Variants in RGS6 observed in about 807,000 individuals in gnomAD.
RGS6 encodes regulator of G protein signaling 6.
In RGS6, 30 loss-of-function variants were observed where a neutral mutation model predicts 78.5. That is an observed-to-expected ratio of 0.38 (90% CI 0.29 to 0.52). The LOEUF (loss-of-function observed/expected upper bound fraction) is 0.52, where lower values mean the gene tolerates loss of function less well. RGS6 is among the 20% of genes least tolerant of loss of function. The pLI, the probability that RGS6 is intolerant of heterozygous loss-of-function variation, is 0.85. For synonymous variants in RGS6, 206 were observed against 206.0 expected (o/e 1.00, Z 0.00); for missense variants, 495 against 609.7 (o/e 0.81, Z 1.98).
At chr14:72,598,901 G>A in the RGS6 span, among the ~76,000 whole-genome samples, 3 of 152,328 alleles carry the variant, frequency 2.0e-5, no homozygotes, top group South Asian at 2.1e-4. Flanking sequence ...GAAGAGACCA[G>A]GCAATCGGTC....
intron 10 of RGS6, among the ~76,000 whole-genome samples, chr14:72,475,837 C>CACACACACACACGCACACACACACACAA (rs1389196505): frequency 1.3e-4 from 19 of 151,392 alleles, no homozygotes; most frequent in African/African-American, 4.6e-4. Flanking sequence ...CACGCACACA[C>CACACACACACACGCACACACACACACAA]ACACACACAC....
chr14:72,350,112 G>C (rs998330521), intron 2 of RGS6, among the ~76,000 whole-genome samples: 1 of 152,164 alleles, frequency 6.6e-6, no homozygotes, highest in African/African-American at 2.4e-5. Flanking sequence ...TCCCTCTTCA[G>C]TTTTCATCTA....
intron 2 of RGS6, among the ~76,000 whole-genome samples, chr14:72,210,350 T>C (rs2043799608): frequency 6.6e-6 from 1 of 152,204 alleles, no homozygotes; most frequent in Admixed American, 6.5e-5. Context: ...CTTGTATTTT[T>C]TTCACCTACA....
chr14:72,401,052 G>A (rs1566741417), intron 3 of RGS6, among the ~76,000 whole-genome samples: 1 of 152,052 alleles, frequency 6.6e-6, no homozygotes, highest in Non-Finnish European at 1.5e-5. Context: ...ATTTTGACTG[G>A]TTTCACTATT....
At chr14:72,195,122 C>T (rs1028774523) in intron 2 of RGS6, among the ~76,000 whole-genome samples, 3 of 151,964 alleles carry the variant, frequency 2.0e-5, no homozygotes, top group Non-Finnish European at 2.9e-5. Flanking sequence ...GCAGGAAAAT[C>T]GCTTGAGCCC....
At chr14:72,162,307 G>A (rs963921299) in intron 2 of RGS6, among the ~76,000 whole-genome samples, 4 of 152,178 alleles carry the variant, frequency 2.6e-5, no homozygotes, top group African/African-American at 9.7e-5. Context: ...CTTGGAGTGT[G>A]AAAAGAGTGG....
the RGS6 span, chr14:72,620,101 C>T: frequency 9.2e-7 from 1 of 1,081,784 alleles, no homozygotes; most frequent in South Asian, 1.9e-5. Flanking sequence ...ATCCCCTTTC[C>T]AGGCCCCACT....
intron 2 of RGS6, among the ~76,000 whole-genome samples, chr14:72,241,384 A>G (rs1214951248): frequency 6.6e-6 from 1 of 152,176 alleles, no homozygotes; most frequent in Non-Finnish European, 1.5e-5. Flanking sequence ...TCTCCAGACA[A>G]TAGTTAATAA....
rs570080088 is a variant in RGS6 at position 72,527,285 on chromosome 14, C to A, written c.1278+8748C>A. On this transcript the variant is annotated intron_variant, in intron 15 of 17. Transcript: ENST00000553525. ...GAGGAGGCTCCTAACTTTCCTGCAA[C>A]CACACATGGAGGGATTTTGTCTCAG... is the stretch of plus-strand genomic sequence containing the variant. Among the ~76,000 whole-genome samples the A allele has an allele frequency of 6.1e-4, 93 of 152,360 alleles. 1 individual carries two copies. The highest frequency in any genetic ancestry group is 3.4e-3 in the Middle Eastern group (1 of 294).
intron 2 of RGS6, among the ~76,000 whole-genome samples, chr14:72,274,791 T>C (rs991641367): frequency 6.6e-6 from 1 of 152,158 alleles, no homozygotes; most frequent in African/African-American, 2.4e-5. Flanking sequence ...CCCAGGGACT[T>C]CAGAAGGACC....
At chr14:72,199,032 C>T (rs532596471) in intron 2 of RGS6, among the ~76,000 whole-genome samples, 1 of 152,256 alleles carries the variant, frequency 6.6e-6, no homozygotes, top group East Asian at 1.9e-4. Flanking sequence ...ACTTTGAGTT[C>T]CCTTTGAAAA....
chr14:72,091,743 G>A (rs753983337), intron 2 of RGS6, among the ~76,000 whole-genome samples: 6 of 152,228 alleles, frequency 3.9e-5, no homozygotes, highest in South Asian at 2.1e-4. Context: ...GTTCTAAATC[G>A]TTTTCTGCAG....
intron 2 of RGS6, among the ~76,000 whole-genome samples, chr14:72,197,475 C>T (rs1234119109): frequency 2.0e-5 from 3 of 152,082 alleles, no homozygotes; most frequent in South Asian, 4.2e-4. Context: ...CACTGTCCTG[C>T]GAGGGATACA....
At chr14:72,131,749 G>T (rs2096322390) in intron 2 of RGS6, among the ~76,000 whole-genome samples, 1 of 152,158 alleles carries the variant, frequency 6.6e-6, no homozygotes, top group Non-Finnish European at 1.5e-5. Context: ...AGTGTTAAAG[G>T]TTGAAGCATT....
chr14:71,882,721 T>G, the RGS6 span, among the ~76,000 whole-genome samples: 2 of 152,256 alleles, frequency 1.3e-5, no homozygotes, highest in African/African-American at 4.8e-5. Context: ...AAGGTTATAA[T>G]TAATTCCTTT....
chr14:72,098,435 G>A (rs1187979300), intron 2 of RGS6, among the ~76,000 whole-genome samples: 5 of 152,214 alleles, frequency 3.3e-5, no homozygotes, highest in Admixed American at 3.3e-4. Flanking sequence ...GTGCCTTCAT[G>A]CCATCAGGCA....
intron 14 of RGS6, among the ~76,000 whole-genome samples, chr14:72,511,033 A>C (rs2096872196): frequency 6.6e-6 from 1 of 152,228 alleles, no homozygotes. Context: ...TGGTTATGAA[A>C]AATTTGGGAA....
At chr14:72,550,503 T>A (rs979826478) in intron 17 of RGS6, 1 of 1,535,698 alleles carries the variant, frequency 6.5e-7, no homozygotes, top group South Asian at 1.2e-5. Context: ...CTTAACATCA[T>A]AGCACATTAC....
chr14:72,238,142 T>C (rs78066572), intron 2 of RGS6, among the ~76,000 whole-genome samples: 3,231 of 152,318 alleles, frequency 0.021, 62 homozygotes, highest in African/African-American at 0.047. Context: ...GAGGAGGCTC[T>C]TCTCCAAAGT....
Sources: gnomAD v4.1 joint callset for allele counts (sites outside exome capture counted in the v4.1 genomes callset) on GRCh38, gnomAD v4.1.1 for gene constraint, MANE v1.5 for transcripts, NCBI Gene and HGNC (gene_info 2026-07-23, HGNC 2026-07-21) for gene names.